GLIS1: variants seen among roughly 807,000 people sequenced by gnomAD.
GLIS1 encodes GLIS family zinc finger 1.
In GLIS1, 24 loss-of-function variants were observed where a neutral mutation model predicts 63.8. The ratio of observed to expected loss-of-function variants is 0.38; its 90% CI spans 0.27 to 0.53. The LOEUF (loss-of-function observed/expected upper bound fraction) is 0.53. GLIS1 is among the 20% of genes least tolerant of loss of function. GLIS1 has a pLI of 0.85. For missense variants in GLIS1, 1,036 were observed against 1,074.1 expected (o/e 0.96, Z 0.50); for synonymous variants, 450 against 482.5 (o/e 0.93, Z 0.88).
intron 4 of GLIS1, among the ~76,000 whole-genome samples, chr1:53,583,964 C>T (rs1048289293): frequency 6.6e-6 from 1 of 152,238 alleles, no homozygotes; most frequent in Non-Finnish European, 1.5e-5. Flanking sequence ...CATGTGCAGA[C>T]ACTGTGCCCC....
At chr1:53,577,242 C>A (rs893035616) in intron 4 of GLIS1, among the ~76,000 whole-genome samples, 6 of 152,036 alleles carry the variant, frequency 3.9e-5, no homozygotes, top group Admixed American at 6.5e-5. Flanking sequence ...TGGCTGACAC[C>A]TCCCTATTCA....
At chr1:53,530,224 G>A (rs929004155) in intron 4 of GLIS1, among the ~76,000 whole-genome samples, 3 of 152,230 alleles carry the variant, frequency 2.0e-5, no homozygotes, top group African/African-American at 7.2e-5. Context: ...GGACCCGAAA[G>A]GCTCCCCTCC....
Position 53,509,957 on chromosome 1 carries a change from ATGGGGGC to A in GLIS1, c.1947_1953del (p.Pro651LeufsTer172). 1 of 1,300,414 alleles carries A rather than the reference ATGGGGGC, an allele frequency of 7.7e-7. No homozygotes were observed. Among genetic ancestry groups the A allele is most frequent in the Non-Finnish European group, 9.8e-7 (1 of 1,016,000 alleles). The allele number at this position is 1,300,414 out of a possible 1,614,324, so 80.6% of individuals were successfully genotyped here. A position where few individuals can be genotyped will look rare whatever the true frequency, so the allele number is the denominator to read the frequency against. On this transcript the variant is annotated frameshift_variant, in exon 9 of 11. Coordinates refer to ENST00000628545, the MANE Select transcript of GLIS1 (RefSeq NM_001367484.1). LOFTEE classifies it high-confidence loss of function. ...CCCCCCGGAGAATGGCTCTGAGAGG[ATGGGGGC>A]AGCGGCGGTGGCCCCAGCCCCTTCA...
At chr1:53,735,908 C>CA (rs2100584509) in intron 2 of GLIS1, among the ~76,000 whole-genome samples, 1 of 152,244 alleles carries the variant, frequency 6.6e-6, no homozygotes, top group South Asian at 2.1e-4. Flanking sequence ...ACACAGAGGC[C>CA]AGCAGGGAAA....
chr1:53,556,006 GC>G (rs1472448168), intron 4 of GLIS1, among the ~76,000 whole-genome samples: 48 of 133,006 alleles, frequency 3.6e-4, no homozygotes, highest in African/African-American at 1.4e-3. Flanking sequence ...CAGGTATACT[GC>G]AGGTGTGTGT....
At chr1:53,711,125 C>T (rs763882246) in intron 2 of GLIS1, among the ~76,000 whole-genome samples, 35 of 152,168 alleles carry the variant, frequency 2.3e-4, no homozygotes, top group Non-Finnish European at 3.5e-4. Context: ...AGTCACAGCA[C>T]GGCATACCCC....
In GLIS1 at chr1:53,594,868, C is replaced by G. The variant is rs1047605303; in HGVS notation, c.560G>C (p.Cys187Ser). Residue 187 changes from cysteine to serine, a missense_variant, in exon 4 of 11, where the codon TGT becomes TCT. Cys to Ser is a moderately radical substitution (Grantham distance 112, BLOSUM62 -1). Transcript: ENST00000628545. The part of the protein sequence containing the change: ...AEARTSLSAH[C>S]RGPLATGLHP... ...CAGGCCAGTGGCCAGCGGGCCCCGACAGTGGGCAGACAGGGATGTGCGGGC... is the reference window on the plus strand; with the variant it reads ...CAGGCCAGTGGCCAGCGGGCCCCGAGAGTGGGCAGACAGGGATGTGCGGGC... 1.3e-6 allele frequency: 2 copies of G among 1,578,992 alleles called. No individual in the cohort carries two copies. Among genetic ancestry groups the G allele is most frequent in the African/African-American group, 2.7e-5 (2 of 74,196 alleles).
intron 4 of GLIS1, among the ~76,000 whole-genome samples, chr1:53,572,850 G>C (rs11206174): frequency 0.67 from 102,152 of 152,138 alleles, 39,426 homozygotes; most frequent in Non-Finnish European, 0.86. Context: ...TCCTGTCTCA[G>C]GGGTGAAGGC....
chr1:53,578,991 A>T (rs1050473175), intron 4 of GLIS1, among the ~76,000 whole-genome samples: 6 of 151,932 alleles, frequency 3.9e-5, no homozygotes, highest in Non-Finnish European at 4.4e-5. Context: ...TTTCTAGGAG[A>T]CACAGCAGGC....
chr1:53,725,996 G>A (rs973990576), intron 2 of GLIS1, among the ~76,000 whole-genome samples: 1 of 152,220 alleles, frequency 6.6e-6, no homozygotes, highest in African/African-American at 2.4e-5. Flanking sequence ...AGTCAGAGAT[G>A]CGTTCATGAC....
At chr1:53,597,697 C>A (rs1467438334) in intron 3 of GLIS1, among the ~76,000 whole-genome samples, 1 of 151,938 alleles carries the variant, frequency 6.6e-6, no homozygotes, top group Admixed American at 6.6e-5. Flanking sequence ...AGATCAGGTG[C>A]GGCATAGGGG....
chr1:53,519,071 G>C (rs61617156), intron 7 of GLIS1, among the ~76,000 whole-genome samples: 10 of 152,214 alleles, frequency 6.6e-5, no homozygotes, highest in African/African-American at 1.9e-4. Flanking sequence ...AGGCCTTCTC[G>C]ACACAGAGCT....
intron 2 of GLIS1, among the ~76,000 whole-genome samples, chr1:53,608,689 A>T (rs3013748): frequency 0.75 from 114,664 of 152,130 alleles, 43,363 homozygotes; most frequent in Middle Eastern, 0.86. Context: ...TAGAACAGAA[A>T]CTGGCATACA....
In GLIS1 at chr1:53,583,757, C is replaced by T. The variant is rs146932510; in HGVS notation, c.1320+10351G>A. ...TGCGAGGAGGAGGGGCCGGGAAAGT[C>T]GGTGCCTTAATCACTTACAGACCAC... On this transcript the variant is annotated intron_variant, in intron 4 of 10. Coordinates refer to ENST00000628545, the MANE Select transcript of GLIS1 (RefSeq NM_001367484.1). Among the ~76,000 whole-genome samples the T allele has an allele frequency of 2.9e-3, 436 of 152,302 alleles. 6 individuals are homozygous for T. Among genetic ancestry groups the T allele is most frequent in the African/African-American group, 0.01 (421 of 41,568 alleles).
intron 2 of GLIS1, among the ~76,000 whole-genome samples, chr1:53,671,494 C>T (rs1009378381): frequency 2.0e-5 from 3 of 152,164 alleles, no homozygotes; most frequent in African/African-American, 4.8e-5. Flanking sequence ...CTCCTGGAAA[C>T]GAGAGGCCCA....
chr1:53,733,344 T>C (rs1351147200), intron 2 of GLIS1, among the ~76,000 whole-genome samples: 2 of 152,200 alleles, frequency 1.3e-5, no homozygotes, highest in African/African-American at 4.8e-5. Context: ...TCATAGCATA[T>C]AAAGAAATTT....
intron 2 of GLIS1, among the ~76,000 whole-genome samples, chr1:53,731,057 G>C (rs1646854852): frequency 6.6e-6 from 1 of 152,210 alleles, no homozygotes; most frequent in Non-Finnish European, 1.5e-5. Context: ...AGATGTCTTT[G>C]AAAGCCATAG....
intron 2 of GLIS1, among the ~76,000 whole-genome samples, chr1:53,665,277 C>T (rs138325372): frequency 3.3e-5 from 5 of 152,154 alleles, no homozygotes; most frequent in African/African-American, 1.2e-4. Context: ...AAGCTTCTGG[C>T]CTGGGCAACT....
At chr1:53,715,937 T>G (rs1646694092) in intron 2 of GLIS1, among the ~76,000 whole-genome samples, 1 of 152,036 alleles carries the variant, frequency 6.6e-6, no homozygotes, top group Non-Finnish European at 1.5e-5. Flanking sequence ...TGGCTTTGCT[T>G]TTTGAGCTGG....
Sources: gnomAD v4.1 joint callset for allele counts (sites outside exome capture counted in the v4.1 genomes callset) on GRCh38, gnomAD v4.1.1 for gene constraint, MANE v1.5 for transcripts, NCBI Gene and HGNC (gene_info 2026-07-23, HGNC 2026-07-21) for gene names.